Variants in TANGO6 observed in about 807,000 individuals in gnomAD.
The protein encoded by TANGO6 is transport and golgi organization 6 homolog.
TANGO6 carries 90 observed loss-of-function variants against 114.2 expected under a neutral mutation model. That is an observed-to-expected ratio of 0.79 (90% CI 0.66 to 0.94). The LOEUF is 0.94. TANGO6 is among the 40% of genes least tolerant of loss of function. The pLI, the probability that TANGO6 is intolerant of heterozygous loss-of-function variation, is 0.00. For synonymous variants in TANGO6, 477 were observed against 509.8 expected, an observed-to-expected ratio of 0.94 and a Z score of 0.87; for missense variants, 1,274 against 1,315.3, an observed-to-expected ratio of 0.97 and a Z score of 0.49.
intron 15 of TANGO6, chr16:69,007,028 A>G (rs1408418575): frequency 1.3e-5 from 2 of 152,122 alleles, no homozygotes; most frequent in Admixed American, 6.5e-5. Context: ...TTCACTTAGC[A>G]TAATGTTTTC....
At chr16:68,854,615 A>G (rs542348390) in intron 1 of TANGO6, among the ~76,000 whole-genome samples, 1 of 149,830 alleles carries the variant, frequency 6.7e-6, no homozygotes, top group Non-Finnish European at 1.5e-5. Flanking sequence ...ATTAAAGGTC[A>G]AAGTTTTTTT....
At chr16:68,919,451 T>C (rs1300813772) in intron 12 of TANGO6, among the ~76,000 whole-genome samples, 1 of 152,204 alleles carries the variant, frequency 6.6e-6, no homozygotes, top group Non-Finnish European at 1.5e-5. Flanking sequence ...CAGGGTCCTT[T>C]CTACCTGTTA....
chr16:68,860,015 G>T lies in TANGO6; in HGVS notation c.226G>T (p.Glu76Ter). The T allele has an allele frequency of 1.2e-6, 2 of 1,614,004 alleles. No homozygotes were observed. Among genetic ancestry groups the T allele is most frequent in the Non-Finnish European group, 8.5e-7 (1 of 1,179,880 alleles). Residue 76 changes from glutamate (E) to a stop codon, truncating the protein, a stop_gained, in exon 2 of 18, where the codon GAA (glutamate) becomes TAA (stop). Coordinates refer to ENST00000261778, the MANE Select transcript of TANGO6 (RefSeq NM_024562.2). LOFTEE classifies it high-confidence loss of function. Reference sequence around the variant, plus strand: ...GAAGAATCTGAAACTCCTAAGAGATGAAATTGCTGATAAGGCAGAATGGCC... The same window carrying T: ...GAAGAATCTGAAACTCCTAAGAGATTAAATTGCTGATAAGGCAGAATGGCC... ...QWKNLKLLRD[E>*]IADKAEWPQN...
chr16:69,009,147 T>A (rs1031439122), intron 15 of TANGO6, among the ~76,000 whole-genome samples: 2 of 146,624 alleles, frequency 1.4e-5, no homozygotes, highest in African/African-American at 5.1e-5. Flanking sequence ...AGTGGCGTGA[T>A]CTCGGCTCAC....
Position 68,884,262 on chromosome 16 carries a change from A to C in TANGO6, c.1377+3632A>C, listed in dbSNP as rs1597004386. The stretch of plus-strand genomic sequence containing the variant: ...GTTTACTACCCTTGTATTTAATTTC[A>C]CTATTTTTGAAAATGGAGTCTACCC... On this transcript the variant is annotated intron_variant, in intron 7 of 17. Coordinates refer to ENST00000261778, the MANE Select transcript of TANGO6 (RefSeq NM_024562.2). Among the ~76,000 whole-genome samples the C allele has an allele frequency of 3.3e-5, 5 of 152,282 alleles. No homozygotes were observed. The South Asian group carries it at 1.0e-3, about 32-fold the overall frequency.
intron 16 of TANGO6, 93 bp from the exon 17 acceptor site, chr16:69,040,215 G>C (rs564227672): frequency 3.7e-6 from 4 of 1,086,962 alleles, no homozygotes; most frequent in South Asian, 2.9e-5. Context: ...GATTGCTCTT[G>C]ATGAATGTGT....
Position 68,993,767 on chromosome 16 carries a change from A to G in TANGO6, c.2842+19599A>G, listed in dbSNP as rs545035563. Among the ~76,000 whole-genome samples the G allele has an allele frequency of 1.3e-4, 20 of 152,382 alleles. 1 individual carries two copies. In the South Asian group the frequency reaches 4.1e-3, roughly 32 times the overall value. On this transcript the variant is annotated intron_variant, in intron 15 of 17. Transcript: ENST00000261778. The stretch of plus-strand genomic sequence containing the variant: ...ATAGTTTTAATACTTTCATGATTAC[A>G]GAATTGTAAAGACAGTCTCCGTCAT...
chr16:69,020,750 A>C lies in TANGO6; in HGVS notation c.2843-2078A>C, dbSNP rs1156396443. On this transcript the variant is annotated intron_variant, in intron 15 of 17. Coordinates refer to ENST00000261778, the MANE Select transcript of TANGO6 (RefSeq NM_024562.2). ...CCCTGTTTCTACAAAAAAATCAAAAAATTAGGCGCGATGGCATACACCTGT... is the reference window on the plus strand; with the variant it reads ...CCCTGTTTCTACAAAAAAATCAAAACATTAGGCGCGATGGCATACACCTGT... Among the ~76,000 whole-genome samples, 7 of 152,098 alleles carry C rather than the reference A, an allele frequency of 4.6e-5. No individual in the cohort carries two copies. In the East Asian group the frequency reaches 9.6e-4, roughly 21 times the overall value.
At chr16:69,078,899 A>ACCG (rs1473750467) in intron 17 of TANGO6, among the ~76,000 whole-genome samples, 1 of 151,724 alleles carries the variant, frequency 6.6e-6, no homozygotes, top group Non-Finnish European at 1.5e-5. Context: ...ATGCACCACC[A>ACCG]CGCCCAGCTA....
rs35493432 is a variant in TANGO6, at chr16:68,930,635, C to CTT, written c.2701+357_2701+358dup. On this transcript the variant is annotated intron_variant, in intron 14 of 17. Transcript: ENST00000261778. ...ACCTTTTATGTTAGTCGGCTACTGTCTTTTTTTTTTTTTTTTTTGAGACAG... is the reference window on the plus strand; with the variant it reads ...ACCTTTTATGTTAGTCGGCTACTGTCTTTTTTTTTTTTTTTTTTTTGAGACAG... Among the ~76,000 whole-genome samples the CTT allele has an allele frequency of 7.2e-4, 97 of 134,144 alleles. 3 individuals are homozygous for CTT. The highest frequency in any genetic ancestry group is 2.0e-3 in the African/African-American group (71 of 35,348). The allele number at this position is 134,144 out of a possible 152,430, so 88.0% of individuals were successfully genotyped here. A position where few individuals can be genotyped will look rare whatever the true frequency, so the allele number is the denominator to read the frequency against.
intron 14 of TANGO6, among the ~76,000 whole-genome samples, chr16:68,951,612 CTT>C (rs869222437): frequency 4.3e-4 from 58 of 133,428 alleles, no homozygotes; most frequent in African/African-American, 5.6e-4. Flanking sequence ...GGCCTCTGTT[CTT>C]TTTTTTTTTT....
intron 15 of TANGO6, among the ~76,000 whole-genome samples, chr16:69,003,342 C>T (rs1049377591): frequency 6.6e-6 from 1 of 152,084 alleles, no homozygotes; most frequent in African/African-American, 2.4e-5. Context: ...TGGCAAAAGT[C>T]CCACAACTGT....
chr16:68,968,550 G>A (rs1963668526), intron 14 of TANGO6, among the ~76,000 whole-genome samples: 1 of 151,556 alleles, frequency 6.6e-6, no homozygotes, highest in African/African-American at 2.4e-5. Context: ...ATTTAGTAGA[G>A]AGGGGGGTTT....
chr16:68,940,172 T>C (rs1054114813), intron 14 of TANGO6, among the ~76,000 whole-genome samples: 1 of 151,432 alleles, frequency 6.6e-6, no homozygotes, highest in Non-Finnish European at 1.5e-5. Context: ...CCTTTCTTCC[T>C]TCCTTCCTTC....
Position 69,056,039 on chromosome 16 carries a change from C to CA in TANGO6, c.3108+15628dup, listed in dbSNP as rs564163625. ...GGGCAACAAGAGCAAGACTCCATCT[C>CA]AAAAAAAAAAGAAAAAGAAAAAAGA... On this transcript the variant is annotated intron_variant, in intron 17 of 17. Transcript: ENST00000261778. 7.7e-3 allele frequency among the ~76,000 whole-genome samples: 1,081 copies of CA among 140,100 alleles called. 5 individuals are homozygous for CA. Among genetic ancestry groups the CA allele is most frequent in the Non-Finnish European group, 0.012 (760 of 64,464 alleles). 91.9% of individuals were successfully genotyped at this position (140,100 alleles called of 152,430 possible). A position where few individuals can be genotyped will look rare whatever the true frequency, so the allele number is the denominator to read the frequency against.
intron 15 of TANGO6, among the ~76,000 whole-genome samples, chr16:69,010,683 A>G (rs1964135364): frequency 1.3e-5 from 2 of 152,202 alleles, no homozygotes; most frequent in South Asian, 2.1e-4. Flanking sequence ...TTCCCCAAGA[A>G]GAATAGATAT....
At chr16:68,937,346 C>CT (rs1267373337) in intron 14 of TANGO6, 1 of 152,198 alleles carries the variant, frequency 6.6e-6, no homozygotes, top group Non-Finnish European at 1.5e-5. Flanking sequence ...AGTAAATTCT[C>CT]TAAGTAGTTC....
At chr16:68,968,708 T>C (rs1963672052) in intron 14 of TANGO6, among the ~76,000 whole-genome samples, 1 of 137,108 alleles carries the variant, frequency 7.3e-6, no homozygotes, top group Non-Finnish European at 1.5e-5. Flanking sequence ...TCTTGCTCTG[T>C]CGCCCAGGCT....
At chr16:68,879,268 G>T (rs1962420252) in intron 6 of TANGO6, among the ~76,000 whole-genome samples, 1 of 151,636 alleles carries the variant, frequency 6.6e-6, no homozygotes, top group Admixed American at 6.6e-5. Flanking sequence ...GATCACTTGA[G>T]CCCAGGAGTT....
Sources: gnomAD v4.1 joint callset for allele counts (sites outside exome capture counted in the v4.1 genomes callset) on GRCh38, gnomAD v4.1.1 for gene constraint, MANE v1.5 for transcripts, NCBI Gene and HGNC (gene_info 2026-07-23, HGNC 2026-07-21) for gene names.